Variants in FGF12 observed in about 807,000 individuals in gnomAD.
The protein encoded by FGF12 is fibroblast growth factor 12B.
In FGF12, 14 loss-of-function variants were observed where a neutral mutation model predicts 23.6. That is an observed-to-expected ratio of 0.59 (90% confidence interval 0.39 to 0.93). The LOEUF (loss-of-function observed/expected upper bound fraction) is 0.93. Among genes scored for constraint, FGF12 ranks in the 40% least tolerant of loss-of-function variants. The pLI is 0.00. For synonymous variants in FGF12, 62 were observed against 77.3 expected, an observed-to-expected ratio of 0.80 and a Z score of 1.04; for missense variants, 175 against 217.8, an observed-to-expected ratio of 0.80 and a Z score of 1.24.
chr3:192,347,192 A>G (rs1236647937), intron 3 of FGF12, among the ~76,000 whole-genome samples: 1 of 152,114 alleles, frequency 6.6e-6, no homozygotes, highest in East Asian at 1.9e-4. Flanking sequence ...TTAATATTCA[A>G]TAGTCTGGGA....
chr3:192,522,349 T>C (rs1401576018), intron 2 of FGF12, among the ~76,000 whole-genome samples: 2 of 152,180 alleles, frequency 1.3e-5, no homozygotes, highest in Non-Finnish European at 2.9e-5. Flanking sequence ...TAACTTACTT[T>C]TAAACATTTG....
At chr3:192,439,770 T>A (rs150630926) in intron 2 of FGF12, among the ~76,000 whole-genome samples, 2,384 of 148,686 alleles carry the variant, frequency 0.016, 29 homozygotes, top group Middle Eastern at 0.048. Context: ...AGGTCAGGAG[T>A]TCAAGACCAG....
At chr3:192,551,206 C>G (rs538926173) in intron 2 of FGF12, among the ~76,000 whole-genome samples, 2 of 152,230 alleles carry the variant, frequency 1.3e-5, no homozygotes, top group South Asian at 4.1e-4. Context: ...AGCTTTCTAC[C>G]CGGGGTCACT....
chr3:192,395,374 T>A (rs1259925156), intron 2 of FGF12, among the ~76,000 whole-genome samples: 1 of 152,210 alleles, frequency 6.6e-6, no homozygotes, highest in Non-Finnish European at 1.5e-5. Context: ...AACAACTACA[T>A]ATCAAATTAA....
intron 2 of FGF12, among the ~76,000 whole-genome samples, chr3:192,625,887 T>C (rs1013610471): frequency 3.9e-5 from 6 of 152,172 alleles, no homozygotes; most frequent in Non-Finnish European, 7.4e-5. Flanking sequence ...CTGCAATTTT[T>C]CCCAAGATCC....
At chr3:192,538,637 T>C (rs940409023) in intron 2 of FGF12, among the ~76,000 whole-genome samples, 1 of 152,176 alleles carries the variant, frequency 6.6e-6, no homozygotes, top group African/African-American at 2.4e-5. Context: ...CAGTTCTATA[T>C]AAATTTTCAA....
At chr3:192,446,287 T>C (rs560756656) in intron 2 of FGF12, among the ~76,000 whole-genome samples, 1 of 152,324 alleles carries the variant, frequency 6.6e-6, no homozygotes, top group South Asian at 2.1e-4. Flanking sequence ...GTGAAAAACA[T>C]AGATTGGTAT....
intron 2 of FGF12, among the ~76,000 whole-genome samples, chr3:192,393,730 AT>A (rs1336849838): frequency 6.6e-6 from 1 of 152,214 alleles, no homozygotes; most frequent in African/African-American, 2.4e-5. Flanking sequence ...TTTAGGATAT[AT>A]TTTAATCATA....
chr3:192,466,718 G>A (rs1349895325), intron 2 of FGF12, among the ~76,000 whole-genome samples: 1 of 152,304 alleles, frequency 6.6e-6, no homozygotes, highest in East Asian at 1.9e-4. Context: ...CATAGATGAG[G>A]AAATGGGGGA....
chr3:192,686,513 A>G (rs1717739520), intron 2 of FGF12, among the ~76,000 whole-genome samples: 1 of 152,132 alleles, frequency 6.6e-6, no homozygotes, highest in Non-Finnish European at 1.5e-5. Flanking sequence ...ATGTAGTGCC[A>G]TTGTTTATTA....
chr3:192,312,275 A>G (rs1365829540), intron 4 of FGF12, among the ~76,000 whole-genome samples: 1 of 152,092 alleles, frequency 6.6e-6, no homozygotes, highest in Non-Finnish European at 1.5e-5. Context: ...GCTTTCTTCC[A>G]TGAGTTTTAT....
chr3:192,224,112 T>C (rs910537322), intron 4 of FGF12, among the ~76,000 whole-genome samples: 6 of 152,128 alleles, frequency 3.9e-5, no homozygotes, highest in African/African-American at 1.4e-4. Context: ...TTGCAGTGTT[T>C]TCTGAAATCC....
chr3:192,411,415 T>C (rs1262509236), intron 2 of FGF12, among the ~76,000 whole-genome samples: 1 of 152,220 alleles, frequency 6.6e-6, no homozygotes, highest in Non-Finnish European at 1.5e-5. Context: ...ACACATCCCC[T>C]GCAGCAGTTC....
At chr3:192,653,818 G>A (rs1317947160) in intron 2 of FGF12, among the ~76,000 whole-genome samples, 2 of 150,712 alleles carry the variant, frequency 1.3e-5, no homozygotes, top group African/African-American at 4.9e-5. Context: ...CAGTTCAAGT[G>A]ATTCTCCTGC....
chr3:192,412,792 C>G (rs927909573), intron 2 of FGF12, among the ~76,000 whole-genome samples: 4 of 152,172 alleles, frequency 2.6e-5, no homozygotes, highest in Admixed American at 1.3e-4. Flanking sequence ...CACAGTTACT[C>G]GTACATTTCC....
At chr3:192,170,746 G>T in intron 4 of FGF12, 90 bp from the exon 5 acceptor site, 1 of 1,117,524 alleles carries the variant, frequency 8.9e-7, no homozygotes, top group Non-Finnish European at 1.3e-6. Flanking sequence ...TGAAATCCAT[G>T]TCCTCTGTTA....
intron 5 of FGF12, among the ~76,000 whole-genome samples, chr3:192,150,007 C>G (rs1713959421): frequency 8.6e-6 from 1 of 115,682 alleles, no homozygotes; most frequent in Admixed American, 9.2e-5. Flanking sequence ...GATTGCCATT[C>G]TAACTGGTGT....
intron 2 of FGF12, among the ~76,000 whole-genome samples, chr3:192,720,212 C>T (rs1377773956): frequency 2.0e-5 from 3 of 152,352 alleles, no homozygotes; most frequent in East Asian, 1.9e-4. Context: ...ACTTCTATCA[C>T]GTAGTTTAAA....
chr3:192,713,085 A>C (rs940444268), intron 2 of FGF12, among the ~76,000 whole-genome samples: 3 of 151,330 alleles, frequency 2.0e-5, no homozygotes, highest in South Asian at 2.1e-4. Flanking sequence ...CAGAAAAAAA[A>C]CAAAATCTTA....
Sources: gnomAD v4.1 joint callset for allele counts (sites outside exome capture counted in the v4.1 genomes callset) on GRCh38, gnomAD v4.1.1 for gene constraint, MANE v1.5 for transcripts, NCBI Gene and HGNC (gene_info 2026-07-23, HGNC 2026-07-21) for gene names.